The following CDC42BPA variants were observed in gnomAD, a reference collection of about 807,000 sequenced individuals.
CDC42BPA encodes the protein CDC42 binding protein kinase alpha.
Under a neutral mutation model 223.5 loss-of-function variants are expected in CDC42BPA, and 80 were observed. That is an observed-to-expected ratio of 0.36 (90% CI 0.30 to 0.43). The LOEUF is 0.43. Ranked by LOEUF, CDC42BPA falls within the 20% of genes least tolerant of loss-of-function variation. The pLI, the probability that CDC42BPA is intolerant of heterozygous loss-of-function variation, is 1.00. For synonymous variants in CDC42BPA, 694 were observed against 718.6 expected, an observed-to-expected ratio of 0.97 and a Z score of 0.55; for missense variants, 1,743 against 2,099.9, an observed-to-expected ratio of 0.83 and a Z score of 3.32.
Position 227,030,368 on chromosome 1 carries a change from C to T in CDC42BPA, c.3838+40G>A, listed in dbSNP as rs543534305. 1.8e-5 allele frequency: 22 copies of T among 1,226,648 alleles called. 1 individual carries two copies. Among genetic ancestry groups the T allele is most frequent in the Non-Finnish European group, 2.5e-5 (21 of 847,774 alleles). 76.0% of individuals were successfully genotyped at this position (1,226,648 alleles called of 1,614,324 possible). A position where few individuals can be genotyped will look rare whatever the true frequency, so the allele number is the denominator to read the frequency against. On this transcript the variant is annotated intron_variant, in intron 29 of 36. Transcript: ENST00000366766. ...ATCTACAGTTTAAATTTTTTTAACA[C>T]GATTTAAAATTACTCCAAAAAAAAA...
intron 1 of CDC42BPA, among the ~76,000 whole-genome samples, chr1:227,256,995 A>T (rs1168867979): frequency 1.3e-5 from 2 of 150,298 alleles, no homozygotes; most frequent in Non-Finnish European, 3.0e-5. Context: ...ACACACCAGT[A>T]TGTTAAGCAG....
At chr1:227,181,890 G>A (rs545584552) in intron 5 of CDC42BPA, among the ~76,000 whole-genome samples, 1 of 152,168 alleles carries the variant, frequency 6.6e-6, no homozygotes, top group South Asian at 2.1e-4. Flanking sequence ...TTACATAAAA[G>A]CAGGCAATAC....
chr1:227,283,177 T>G (rs1359867451), intron 1 of CDC42BPA, among the ~76,000 whole-genome samples: 1 of 152,166 alleles, frequency 6.6e-6, no homozygotes, highest in African/African-American at 2.4e-5. Context: ...ATACACATAT[T>G]GATACAACAG....
At chr1:227,109,898 C>T (rs1686626991) in intron 14 of CDC42BPA, among the ~76,000 whole-genome samples, 1 of 151,714 alleles carries the variant, frequency 6.6e-6, no homozygotes, top group Admixed American at 6.6e-5. Context: ...CAAAACGTCA[C>T]GATCTCTACT....
At chr1:227,194,065 A>G (rs1374398368) in intron 4 of CDC42BPA, 131 bp from the exon 5 acceptor site, 3 of 588,026 alleles carry the variant, frequency 5.1e-6, no homozygotes, top group Non-Finnish European at 5.7e-6. Flanking sequence ...AATTAACAAG[A>G]AACTGTGTAA....
intron 31 of CDC42BPA, 122 bp downstream of exon 31, chr1:227,025,933 C>A: frequency 1.6e-6 from 1 of 606,070 alleles, no homozygotes. Flanking sequence ...TTAGCTAAGT[C>A]CCAAACTGCC....
chr1:227,216,305 A>G (rs867515131), intron 2 of CDC42BPA, among the ~76,000 whole-genome samples: 1 of 152,198 alleles, frequency 6.6e-6, no homozygotes, highest in African/African-American at 2.4e-5. Flanking sequence ...CATCCTGGTC[A>G]TGAAATGACC....
At chr1:227,168,497 G>GTGTTTTGTTTTTTTTTTTTTTTTTTTTTT (rs1302291274) in intron 5 of CDC42BPA, among the ~76,000 whole-genome samples, 6 of 80,212 alleles carry the variant, frequency 7.5e-5, no homozygotes, top group Non-Finnish European at 1.4e-4. Context: ...CTTCCCTGGT[G>GTGTTTTGTTTTTTTTTTTTTTTTTTTTTT]TTTTTTTTTT....
In CDC42BPA at chr1:227,070,449, T is replaced by A. The variant is rs143411136; in HGVS notation, c.2828-596A>T. On this transcript the variant is annotated intron_variant, in intron 20 of 36. Transcript: ENST00000366766. ...ATGGCATTAACTTTAAATGCACAAT[T>A]TCCCAAGTAATTCTTACAACATACA... 6.4e-4 allele frequency among the ~76,000 whole-genome samples: 98 copies of A among 151,996 alleles called. No homozygotes were observed. In the East Asian group the frequency reaches 0.017, roughly 26 times the overall value.
In CDC42BPA at chr1:227,004,983, C is replaced by T; in HGVS notation, c.4975+11G>A. 1 of 1,594,498 alleles carries T rather than the reference C, an allele frequency of 6.3e-7. No homozygotes were observed. Among genetic ancestry groups the T allele is most frequent in the Non-Finnish European group, 8.6e-7 (1 of 1,162,080 alleles). On this transcript the variant is annotated intron_variant, in intron 35 of 36. Transcript: ENST00000366766. Reference sequence around the variant, plus strand: ...GTCTCAGAGGCACCTTCCTGTAGCCCCGGCACTTACTTGCTGACAAGCCAC... The same window carrying T: ...GTCTCAGAGGCACCTTCCTGTAGCCTCGGCACTTACTTGCTGACAAGCCAC...
chr1:227,176,446 C>T (rs557814813), intron 5 of CDC42BPA, among the ~76,000 whole-genome samples: 10 of 152,288 alleles, frequency 6.6e-5, no homozygotes, highest in Admixed American at 2.0e-4. Context: ...AGTAACTATA[C>T]TGTCACCACT....
intron 5 of CDC42BPA, chr1:227,180,674 T>G (rs1383365256): frequency 1.3e-5 from 2 of 152,212 alleles, no homozygotes; most frequent in Non-Finnish European, 2.9e-5. Context: ...TCTATGTAAA[T>G]TATCTACGTA....
In CDC42BPA at chr1:227,145,662, T is replaced by C; in HGVS notation, c.970A>G (p.Ser324Gly). The part of the protein sequence containing the change: ...AKDLIRRLIC[S>G]REHRLGQNGI... ...TTTTGACCAAGTCGATGTTCTCTGC[T>C]ACAAATGAGCCTTCGAATAAGATCC... The change falls in exon 8 of 37, where the codon AGC becomes GGC. Residue 324 changes from serine (S) to glycine (G), a missense_variant. Physicochemically the swap from Ser to Gly is moderately conservative, Grantham distance 56 (BLOSUM62 0). Coordinates refer to ENST00000366766, the MANE Select transcript of CDC42BPA (RefSeq NM_001394014.1). 6.2e-7 allele frequency: 1 copy of C among 1,613,844 alleles called. No homozygotes were observed. Among genetic ancestry groups the C allele is most frequent in the Non-Finnish European group, 8.5e-7 (1 of 1,179,802 alleles).
chr1:227,045,331 A>T (rs973115503), intron 23 of CDC42BPA, among the ~76,000 whole-genome samples: 1 of 152,206 alleles, frequency 6.6e-6, no homozygotes, highest in African/African-American at 2.4e-5. Context: ...TTGGGTAAGT[A>T]TGTCATTTCA....
intron 21 of CDC42BPA, among the ~76,000 whole-genome samples, chr1:227,056,678 A>G (rs1351202227): frequency 6.6e-6 from 1 of 152,206 alleles, no homozygotes; most frequent in Non-Finnish European, 1.5e-5. Flanking sequence ...GGCGTGAGCT[A>G]CCATGCCTGG....
chr1:227,031,907 T>G (rs1669358035), intron 27 of CDC42BPA, among the ~76,000 whole-genome samples: 1 of 152,194 alleles, frequency 6.6e-6, no homozygotes, highest in South Asian at 2.1e-4. Context: ...TGATTTAGGA[T>G]GTACTGTCAT....
Position 226,993,885 on chromosome 1 carries a change from G to A in CDC42BPA, c.*383C>T, listed in dbSNP as rs1661057274. On this transcript the variant is annotated 3_prime_UTR_variant, in exon 37 of 37. Transcript: ENST00000366766. ...CCCTTCTGGATGCGGAGAAGCCCATGAGCTATTTTAGGACTATAATGAGAC... is the reference window on the plus strand; with the variant it reads ...CCCTTCTGGATGCGGAGAAGCCCATAAGCTATTTTAGGACTATAATGAGAC... 6.1e-6 allele frequency: 1 copy of A among 162,994 alleles called. No individual in the cohort carries two copies. The highest frequency in any genetic ancestry group is 2.4e-5 in the African/African-American group (1 of 41,612). 10.1% of individuals were successfully genotyped at this position (162,994 alleles called of 1,614,324 possible). A position where few individuals can be genotyped will look rare whatever the true frequency, so the allele number is the denominator to read the frequency against.
At position 227,242,645 on chromosome 1, in the gene CDC42BPA, T is replaced by C. The variant is rs139502945; in HGVS notation, c.270+11419A>G. On this transcript the variant is annotated intron_variant, in intron 2 of 36. Transcript: ENST00000366766. ...ATTCTAAAACTATCCTTTACTAGCT[T>C]ACTAAAAAACATCAGACTCAAAAAA... is the stretch of plus-strand genomic sequence containing the variant. Among the ~76,000 whole-genome samples, 563 of 152,028 alleles carry C rather than the reference T, an allele frequency of 3.7e-3. 3 individuals carry two copies. Among genetic ancestry groups the C allele is most frequent in the African/African-American group, 0.013 (543 of 41,514 alleles).
chr1:227,259,742 A>C (rs753127878), intron 1 of CDC42BPA, among the ~76,000 whole-genome samples: 1 of 151,046 alleles, frequency 6.6e-6, no homozygotes, highest in Non-Finnish European at 1.5e-5. Context: ...TAGCTCAGAG[A>C]AGGACACACC....
Sources: allele counts gnomAD v4.1 joint callset (sites outside exome capture counted in the v4.1 genomes callset), GRCh38; gene constraint gnomAD v4.1.1; transcripts MANE v1.5; gene names NCBI Gene and HGNC (gene_info 2026-07-23, HGNC 2026-07-21).